Variants in VPS13C observed in about 807,000 individuals in gnomAD.
VPS13C encodes the protein vacuolar protein sorting 13 homolog C.
VPS13C carries 358 observed loss-of-function variants against 456.8 expected under a neutral mutation model. That is an observed-to-expected ratio of 0.78 (90% CI 0.72 to 0.86). The LOEUF (loss-of-function observed/expected upper bound fraction) is 0.86, where lower values mean the gene tolerates loss of function less well. VPS13C is among the 40% of genes least tolerant of loss of function. The pLI is 0.00. For synonymous variants in VPS13C, 1,578 were observed against 1,486.7 expected, an observed-to-expected ratio of 1.06 and a Z score of -1.41; for missense variants, 4,818 against 4,385.4, an observed-to-expected ratio of 1.10 and a Z score of -2.79.
intron 3 of VPS13C, among the ~76,000 whole-genome samples, chr15:62,037,784 G>A (rs1464610816): frequency 6.6e-6 from 1 of 151,808 alleles, no homozygotes; most frequent in Non-Finnish European, 1.5e-5. Context: ...TACTTCTAGA[G>A]CACTGCTACA....
intron 69 of VPS13C, among the ~76,000 whole-genome samples, chr15:61,882,357 A>G (rs1369416558): frequency 6.6e-6 from 1 of 152,162 alleles, no homozygotes; most frequent in Admixed American, 6.6e-5. Flanking sequence ...ACATTTAAGA[A>G]TAACAATCTC....
intron 50 of VPS13C, 74 bp from the exon 51 acceptor site, chr15:61,929,822 C>G (rs1319809564): frequency 7.4e-7 from 1 of 1,355,088 alleles, no homozygotes; most frequent in African/African-American, 1.5e-5. Flanking sequence ...TCCTATATAC[C>G]TCAATAATCT....
chr15:61,973,621 G>A, intron 25 of VPS13C, 89 bp from the exon 26 acceptor site: 1 of 926,812 alleles, frequency 1.1e-6, no homozygotes, highest in Non-Finnish European at 1.7e-6. Flanking sequence ...AAGTAATAGA[G>A]GATAAAGAGA....
At position 61,980,183 on chromosome 15, in the gene VPS13C, C is replaced by CAAAAAAAAA. The variant is rs71125960; in HGVS notation, c.2166+1150_2166+1158dup. Among the ~76,000 whole-genome samples the CAAAAAAAAA allele has an allele frequency of 4.0e-4, 18 of 45,252 alleles. 1 individual carries two copies. Among genetic ancestry groups the CAAAAAAAAA allele is most frequent in the African/African-American group, 1.3e-3 (18 of 14,294 alleles). 29.7% of individuals were successfully genotyped at this position (45,252 alleles called of 152,430 possible). On this transcript the variant is annotated intron_variant, in intron 22 of 84. Transcript: ENST00000644861. The stretch of plus-strand genomic sequence containing the variant: ...TGGGTGACAGAGCAAGACCCCATCT[C>CAAAAAAAAA]AAAAAAAAAAAAAAAAAAAAAAAAA...
intron 13 of VPS13C, 68 bp downstream of exon 13, chr15:62,010,404 A>T: frequency 7.1e-7 from 1 of 1,404,802 alleles, no homozygotes; most frequent in Admixed American, 2.5e-5. Flanking sequence ...TAGAGAAGTA[A>T]TAATCACAAA....
chr15:61,910,307 TA>T lies in VPS13C; in HGVS notation c.8716-3del. ...ACTTTCTGGCCAAAATGGAAGGCACTAAAAATATAGAAGTTATTATCAGTCT... is the reference window on the plus strand; with the variant it reads ...ACTTTCTGGCCAAAATGGAAGGCACTAAAATATAGAAGTTATTATCAGTCT... On this transcript the variant is annotated splice_polypyrimidine_tract_variant and splice_region_variant and intron_variant, in intron 63 of 84. Transcript: ENST00000644861. 1 of 1,514,858 alleles carries T rather than the reference TA, an allele frequency of 6.6e-7. No homozygotes were observed. Among genetic ancestry groups the T allele is most frequent in the Non-Finnish European group, 8.9e-7 (1 of 1,125,362 alleles). 93.8% of individuals were successfully genotyped at this position (1,514,858 alleles called of 1,614,324 possible).
rs1184756269 is a variant in VPS13C, at chr15:61,874,871, C to T, written c.10414+5G>A. 11 of 1,583,358 alleles carry T rather than the reference C, an allele frequency of 6.9e-6. No homozygotes were observed. The highest frequency in any genetic ancestry group is 5.4e-5 in the African/African-American group (4 of 73,718). On this transcript the variant is annotated splice_donor_5th_base_variant and intron_variant, in intron 77 of 84. Coordinates refer to ENST00000644861, the MANE Select transcript of VPS13C (RefSeq NM_020821.3). Reference sequence around the variant, plus strand: ...TACACATATACACAAATATGTGATACATACCTACTGTGTGTCCAAAGAGGC... The same window carrying T: ...TACACATATACACAAATATGTGATATATACCTACTGTGTGTCCAAAGAGGC...
intron 66 of VPS13C, among the ~76,000 whole-genome samples, chr15:61,906,083 G>A (rs1261921189): frequency 6.6e-6 from 1 of 152,104 alleles, no homozygotes; most frequent in Non-Finnish European, 1.5e-5. Context: ...TAAAGCCCAT[G>A]TTGGGGTTTT....
At chr15:62,014,128 T>C (rs1283675311) in intron 9 of VPS13C, 136 bp from the exon 10 acceptor site, 2 of 501,702 alleles carry the variant, frequency 4.0e-6, no homozygotes, top group East Asian at 6.2e-5. Flanking sequence ...GCTATCTATT[T>C]CTTTACATAT....
At position 61,991,937 on chromosome 15, in the gene VPS13C, A is replaced by G. The variant is rs2046237159; in HGVS notation, c.1354-135T>C. 3 of 955,054 alleles carry G rather than the reference A, an allele frequency of 3.1e-6. No individual in the cohort carries two copies. In the Admixed American group the frequency reaches 8.7e-5, roughly 28 times the overall value. 59.2% of individuals were successfully genotyped at this position (955,054 alleles called of 1,614,324 possible). On this transcript the variant is annotated intron_variant, in intron 16 of 84. Transcript: ENST00000644861. ...AACATTGCACCAGTCAAGATCTTAA[A>G]TGATGCTCACAACATAATTTAGTTA...
chr15:62,052,859 A>C (rs2048669692), intron 1 of VPS13C, among the ~76,000 whole-genome samples: 1 of 152,070 alleles, frequency 6.6e-6, no homozygotes, highest in African/African-American at 2.4e-5. Context: ...CCATTTCCCT[A>C]CTGAAACAGG....
In VPS13C at chr15:61,927,397, T is replaced by C. The variant is rs189521181; in HGVS notation, c.6287-77A>G. On this transcript the variant is annotated intron_variant, in intron 51 of 84. Coordinates refer to ENST00000644861, the MANE Select transcript of VPS13C (RefSeq NM_020821.3). ...TTGACTACATGTTATCTACAAGTTG[T>C]TAAGTTGTTCTCAATGTTTTTCTAT... is the stretch of plus-strand genomic sequence containing the variant. 1.2e-4 allele frequency: 140 copies of C among 1,160,206 alleles called. No homozygotes were observed. In the African/African-American group the frequency reaches 1.9e-3, roughly 15 times the overall value. 71.9% of individuals were successfully genotyped at this position (1,160,206 alleles called of 1,614,324 possible).
intron 1 of VPS13C, among the ~76,000 whole-genome samples, chr15:62,045,723 C>T (rs1220902124): frequency 6.6e-6 from 1 of 151,300 alleles, no homozygotes; most frequent in Non-Finnish European, 1.5e-5. Flanking sequence ...AATTTAGCTA[C>T]AAGGATATTG....
At chr15:61,983,376 T>C (rs976879254) in intron 20 of VPS13C, among the ~76,000 whole-genome samples, 13 of 152,186 alleles carry the variant, frequency 8.5e-5, no homozygotes, top group African/African-American at 3.1e-4. Context: ...GAGCCAGAAC[T>C]TCCAATAACA....
intron 3 of VPS13C, among the ~76,000 whole-genome samples, chr15:62,037,368 T>C (rs2048083105): frequency 2.2e-5 from 2 of 89,556 alleles, no homozygotes; most frequent in African/African-American, 4.1e-5. Flanking sequence ...ATGTATATAA[T>C]ATATTATATA....
chr15:61,971,865 TGTA>T (rs2045566124), intron 27 of VPS13C, among the ~76,000 whole-genome samples: 1 of 152,220 alleles, frequency 6.6e-6, no homozygotes, highest in African/African-American at 2.4e-5. Flanking sequence ...ACAGTTAAAA[TGTA>T]GTATTTCTGA....
Position 62,000,552 on chromosome 15 carries a change from A to G in VPS13C, c.1353+12T>C. ...TGTTTAAAACATAAAATCAGCTAAT[A>G]AAAATGATTACCTCAACTTGTGCTT... On this transcript the variant is annotated intron_variant, in intron 16 of 84. Coordinates refer to ENST00000644861, the MANE Select transcript of VPS13C (RefSeq NM_020821.3). 1 of 1,602,582 alleles carries G rather than the reference A, an allele frequency of 6.2e-7. No individual in the cohort carries two copies.
At chr15:61,991,406 C>T (rs1039212167) in intron 17 of VPS13C, among the ~76,000 whole-genome samples, 1 of 151,978 alleles carries the variant, frequency 6.6e-6, no homozygotes, top group Non-Finnish European at 1.5e-5. Context: ...ACAAAAAATG[C>T]TAAATGTTGA....
intron 9 of VPS13C, among the ~76,000 whole-genome samples, chr15:62,016,901 G>C (rs1246736808): frequency 6.6e-6 from 1 of 152,102 alleles, no homozygotes; most frequent in Non-Finnish European, 1.5e-5. Flanking sequence ...GTGTAAAAGT[G>C]TTTCTATTTC....
Sources: allele counts gnomAD v4.1 joint callset (sites outside exome capture counted in the v4.1 genomes callset), GRCh38; gene constraint gnomAD v4.1.1; transcripts MANE v1.5; gene names NCBI Gene and HGNC (gene_info 2026-07-23, HGNC 2026-07-21).